AHI1: variants seen among roughly 807,000 people sequenced by gnomAD.
AHI1 encodes Abelson helper integration site 1.
AHI1 carries 123 observed loss-of-function variants against 149.3 expected under a neutral mutation model. That is an observed-to-expected ratio of 0.82 (90% CI 0.71 to 0.96). AHI1 has a LOEUF of 0.96. Ranked by LOEUF, AHI1 falls within the 40% of genes least tolerant of loss-of-function variation. AHI1 has a pLI of 0.00. For missense variants in AHI1, 1,439 were observed against 1,422.7 expected, an observed-to-expected ratio of 1.01 and a Z score of -0.18; for synonymous variants, 475 against 459.8, an observed-to-expected ratio of 1.03 and a Z score of -0.42.
chr6:135,286,179 A>G (rs1781660935), intron 28 of AHI1, among the ~76,000 whole-genome samples: 1 of 152,248 alleles, frequency 6.6e-6, no homozygotes, highest in South Asian at 2.1e-4. Context: ...CTCATTTTTG[A>G]CCAAGATAGT....
chr6:135,323,225 A>T lies in AHI1; in HGVS notation c.3265T>A (p.Trp1089Arg), dbSNP rs772146116. Residue 1089 changes from tryptophan (W) to arginine (R), a missense_variant, in exon 25 of 29, where the codon TGG becomes AGG. Physicochemically the swap from Trp to Arg is moderately radical, Grantham distance 101. Transcript: ENST00000265602. ...RVFFKDNEDW[W>R]YGSIGKGQEG... ...TGTCCCTTTCCTATGCTGCCATACC[A>T]CCAGTCTTCATTATCTTTGAAAAAC... 1.7e-5 allele frequency: 27 copies of T among 1,613,710 alleles called. No homozygotes were observed. Among genetic ancestry groups the T allele is most frequent in the Non-Finnish European group, 1.7e-6 (2 of 1,179,814 alleles).
rs1308811445 is a variant in AHI1, at chr6:135,380,742, CCCA to C, written c.3109+14031_3109+14033del. 9.5e-4 allele frequency among the ~76,000 whole-genome samples: 116 copies of C among 122,258 alleles called. 2 individuals carry two copies. The highest frequency in any genetic ancestry group is 4.3e-3 in the African/African-American group (108 of 25,016). The allele number at this position is 122,258 out of a possible 152,430, so 80.2% of individuals were successfully genotyped here. ...TTTTAAGTAAAATAACCCCCCCCCC[CCCA>C]AAAAAAAAGTACAAAGTTAAAACAA... On this transcript the variant is annotated intron_variant, in intron 23 of 28. Coordinates refer to ENST00000265602, the MANE Select transcript of AHI1 (RefSeq NM_001134831.2).
chr6:135,297,407 A>C (rs1359459761), intron 27 of AHI1: 1 of 455,892 alleles, frequency 2.2e-6, no homozygotes, highest in East Asian at 6.9e-5. Flanking sequence ...CCCTCCCATG[A>C]GGCAGACAAA....
At position 135,290,425 on chromosome 6, in the gene AHI1, C is replaced by T. The variant is rs976929589; in HGVS notation, c.3586G>A (p.Glu1196Lys). 5 of 1,540,684 alleles carry T rather than the reference C, an allele frequency of 3.2e-6. No homozygotes were observed. Among genetic ancestry groups the T allele is most frequent in the Admixed American group, 1.7e-5 (1 of 59,938 alleles). The change falls in exon 28 of 29, where the codon GAG becomes AAG. Residue 1196 changes from glutamate to lysine, a missense_variant and splice_region_variant. By Grantham distance (56) the Glu-to-Lys change is moderately conservative. Transcript: ENST00000265602. ...CTTTCTATTGGTTTTCCCCTTACCT[C>T]TATTAGAGTGACTTTTCTGCCTGCT... ...KQAGRKVTLI[E>K]
chr6:135,481,480 C>G (rs562551798), intron 5 of AHI1, among the ~76,000 whole-genome samples: 1 of 152,000 alleles, frequency 6.6e-6, no homozygotes, highest in Non-Finnish European at 1.5e-5. Flanking sequence ...TTCCTTTGAG[C>G]ATATTCATGC....
At chr6:135,398,959 G>A (rs950946300) in intron 22 of AHI1, among the ~76,000 whole-genome samples, 1 of 152,112 alleles carries the variant, frequency 6.6e-6, no homozygotes, top group Non-Finnish European at 1.5e-5. Flanking sequence ...TGAGGCAGGA[G>A]GATCACTTGA....
chr6:135,390,011 GTTT>G lies in AHI1; in HGVS notation c.3109+4762_3109+4764del, dbSNP rs3838320. 2.0e-5 allele frequency among the ~76,000 whole-genome samples: 3 copies of G among 151,600 alleles called. No homozygotes were observed. In the South Asian group the frequency reaches 6.2e-4, roughly 32 times the overall value. On this transcript the variant is annotated intron_variant, in intron 23 of 28. Coordinates refer to ENST00000265602, the MANE Select transcript of AHI1 (RefSeq NM_001134831.2). ...CTTTAAATATTATGAGTTTTTTTGT[GTTT>G]TTTTTATTTTATTTTTTTTAAACTC...
intron 5 of AHI1, among the ~76,000 whole-genome samples, chr6:135,486,915 A>G (rs995788746): frequency 3.9e-5 from 6 of 151,996 alleles, no homozygotes; most frequent in African/African-American, 1.4e-4. Flanking sequence ...CTACAGGCGC[A>G]TGCCACCATG....
At chr6:135,485,038 C>G (rs1280382071) in intron 5 of AHI1, among the ~76,000 whole-genome samples, 3 of 151,554 alleles carry the variant, frequency 2.0e-5, no homozygotes, top group African/African-American at 7.3e-5. Context: ...CTAAAGCAAC[C>G]TAACAATAAT....
At chr6:135,344,636 C>T (rs1790895882) in intron 24 of AHI1, among the ~76,000 whole-genome samples, 2 of 148,410 alleles carry the variant, frequency 1.3e-5, no homozygotes, top group African/African-American at 4.9e-5. Flanking sequence ...CTTCCTCCCT[C>T]CCTTCCTTTC....
intron 20 of AHI1, among the ~76,000 whole-genome samples, chr6:135,421,080 G>A (rs1783081659): frequency 6.6e-6 from 1 of 152,142 alleles, no homozygotes; most frequent in Non-Finnish European, 1.5e-5. Context: ...CGGCTGGTGG[G>A]TGGGGCAGTC....
chr6:135,462,995 A>G, intron 8 of AHI1, 130 bp downstream of exon 8: 1 of 688,538 alleles, frequency 1.5e-6, no homozygotes, highest in East Asian at 2.8e-5. Context: ...GATGAATTCA[A>G]GAACAAGTAC....
At chr6:135,429,012 T>C (rs1263135462) in intron 18 of AHI1, among the ~76,000 whole-genome samples, 1 of 151,632 alleles carries the variant, frequency 6.6e-6, no homozygotes, top group Non-Finnish European at 1.5e-5. Flanking sequence ...TAGAACATAC[T>C]GCAAAAGAAA....
chr6:135,467,850 C>G (rs1270080733), intron 5 of AHI1, among the ~76,000 whole-genome samples: 1 of 152,170 alleles, frequency 6.6e-6, no homozygotes, highest in Non-Finnish European at 1.5e-5. Context: ...TTCAGATTAA[C>G]ATTTTGGATT....
intron 26 of AHI1, among the ~76,000 whole-genome samples, chr6:135,303,676 A>C (rs1458923144): frequency 6.6e-6 from 1 of 152,220 alleles, no homozygotes; most frequent in East Asian, 1.9e-4. Context: ...TTATAGAGGT[A>C]GTCTGAAGGT....
intron 15 of AHI1, 117 bp from the exon 16 acceptor site, chr6:135,433,373 G>T: frequency 3.1e-6 from 2 of 645,148 alleles, no homozygotes; most frequent in South Asian, 2.1e-5. Context: ...AACGACCAAT[G>T]GTAAACCAAG....
At chr6:135,328,345 A>T (rs186420359) in intron 24 of AHI1, among the ~76,000 whole-genome samples, 7 of 152,282 alleles carry the variant, frequency 4.6e-5, no homozygotes, top group African/African-American at 1.7e-4. Context: ...ATTTTTTTCC[A>T]ACAGCATGTG....
intron 5 of AHI1, among the ~76,000 whole-genome samples, chr6:135,475,617 T>C (rs1049506529): frequency 4.0e-4 from 61 of 152,202 alleles, no homozygotes; most frequent in African/African-American, 1.4e-3. Context: ...CACAAAACCA[T>C]GAACATCAAG....
chr6:135,405,949 T>C (rs780091601), intron 21 of AHI1, among the ~76,000 whole-genome samples: 8 of 150,120 alleles, frequency 5.3e-5, no homozygotes, highest in South Asian at 2.1e-4. Flanking sequence ...TTAGCCAGCA[T>C]ATAGCATCAG....
Sources: gnomAD v4.1 joint callset for allele counts (sites outside exome capture counted in the v4.1 genomes callset) on GRCh38, gnomAD v4.1.1 for gene constraint, MANE v1.5 for transcripts, NCBI Gene and HGNC (gene_info 2026-07-23, HGNC 2026-07-21) for gene names.